The following EYS variants were observed in gnomAD, a reference collection of about 807,000 sequenced individuals.
EYS encodes EGF-like photoreceptor maintenance factor.
EYS carries 250 observed loss-of-function variants against 282.1 expected under a neutral mutation model. The ratio of observed to expected loss-of-function variants is 0.89; its 90% CI spans 0.80 to 0.98. The LOEUF (loss-of-function observed/expected upper bound fraction) is 0.98, where lower values mean the gene tolerates loss of function less well. EYS is among the 50% of genes least tolerant of loss of function. EYS has a pLI of 0.00. For missense variants in EYS, 4,016 were observed against 3,709.0 expected, an observed-to-expected ratio of 1.08 and a Z score of -2.15; for synonymous variants, 1,355 against 1,282.9, an observed-to-expected ratio of 1.06 and a Z score of -1.20.
intron 12 of EYS, among the ~76,000 whole-genome samples, chr6:65,293,928 T>C (rs1450239226): frequency 6.6e-6 from 1 of 151,834 alleles, no homozygotes; most frequent in Non-Finnish European, 1.5e-5. Flanking sequence ...TACGTTGTTT[T>C]TAAAATGTTA....
At chr6:65,581,778 T>C (rs950704611) in intron 2 of EYS, among the ~76,000 whole-genome samples, 14 of 151,960 alleles carry the variant, frequency 9.2e-5, no homozygotes, top group African/African-American at 3.4e-4. Context: ...CAAATAAATA[T>C]CTGTAAAAAT....
chr6:65,614,717 A>T (rs1030261170), intron 2 of EYS, among the ~76,000 whole-genome samples: 1 of 151,060 alleles, frequency 6.6e-6, no homozygotes, highest in African/African-American at 2.5e-5. Flanking sequence ...AATAAATGAC[A>T]GTATTTGTTT....
At chr6:65,329,408 A>G in intron 11 of EYS, 1 of 914,198 alleles carries the variant, frequency 1.1e-6, no homozygotes, top group South Asian at 5.0e-5. Flanking sequence ...GGATTTAAGA[A>G]CCAAGATTAT....
Position 64,032,393 on chromosome 6 carries a change from T to C in EYS, c.6726-33210A>G, listed in dbSNP as rs1769895730. On this transcript the variant is annotated intron_variant, in intron 33 of 42. Transcript: ENST00000503581. Reference sequence around the variant, plus strand: ...ACAAATGATTTTGAGCACTTCTTTGTGTGCTTATTGGCCATTAAAGGGAAA... The same window carrying C: ...ACAAATGATTTTGAGCACTTCTTTGCGTGCTTATTGGCCATTAAAGGGAAA... Among the ~76,000 whole-genome samples, 11 of 152,228 alleles carry C rather than the reference T, an allele frequency of 7.2e-5. 1 individual carries two copies. In the South Asian group the frequency reaches 2.3e-3, roughly 32 times the overall value.
chr6:65,070,736 G>A (rs1773880050), intron 12 of EYS, among the ~76,000 whole-genome samples: 1 of 151,508 alleles, frequency 6.6e-6, no homozygotes, highest in Non-Finnish European at 1.5e-5. Context: ...AATACTTCCT[G>A]TTATGTATTT....
At chr6:65,699,469 A>G (rs1769576149) in intron 1 of EYS, among the ~76,000 whole-genome samples, 1 of 152,186 alleles carries the variant, frequency 6.6e-6, no homozygotes, top group African/African-American at 2.4e-5. Context: ...GCTTTGAACA[A>G]GTTCACAATG....
intron 26 of EYS, among the ~76,000 whole-genome samples, chr6:64,530,739 C>T (rs778624113): frequency 1.3e-5 from 2 of 152,032 alleles, no homozygotes; most frequent in East Asian, 1.9e-4. Context: ...TGAAAAACAT[C>T]TCCTGGCTAG....
chr6:63,748,222 A>G (rs1215469984), intron 41 of EYS, among the ~76,000 whole-genome samples: 1 of 152,110 alleles, frequency 6.6e-6, no homozygotes, highest in Admixed American at 6.6e-5. Flanking sequence ...ATACTACAAG[A>G]CTACAGTAAC....
intron 11 of EYS, among the ~76,000 whole-genome samples, chr6:65,299,094 TAA>T (rs1768744208): frequency 6.6e-6 from 1 of 152,100 alleles, no homozygotes; most frequent in Non-Finnish European, 1.5e-5. Flanking sequence ...GCCCTCTCTA[TAA>T]AGGTTGATGT....
rs942345983 is a variant in EYS at position 65,492,844 on chromosome 6, ATT to A, written c.748+1817_748+1818del. ...CTAAGCTATCAAGTTCAAAATGACTATTTGAAAGATTGGATGAGGTGAATTTT... is the reference window on the plus strand; with the variant it reads ...CTAAGCTATCAAGTTCAAAATGACTATGAAAGATTGGATGAGGTGAATTTT... On this transcript the variant is annotated intron_variant, in intron 4 of 42. Transcript: ENST00000503581. Among the ~76,000 whole-genome samples, 44 of 152,204 alleles carry A rather than the reference ATT, an allele frequency of 2.9e-4. 1 individual carries two copies. Among genetic ancestry groups the A allele is most frequent in the African/African-American group, 9.6e-4 (40 of 41,466 alleles).
intron 26 of EYS, among the ~76,000 whole-genome samples, chr6:64,581,529 T>A (rs939641984): frequency 6.6e-6 from 1 of 152,194 alleles, no homozygotes; most frequent in Non-Finnish European, 1.5e-5. Context: ...TTTCAAATAT[T>A]GGCATAAATA....
intron 28 of EYS, among the ~76,000 whole-genome samples, chr6:64,403,600 G>A (rs537092787): frequency 6.6e-6 from 1 of 152,174 alleles, no homozygotes; most frequent in Non-Finnish European, 1.5e-5. Flanking sequence ...CTTGTGATCT[G>A]CCTGCCTCAG....
chr6:64,547,948 C>T (rs1255072891), intron 26 of EYS, among the ~76,000 whole-genome samples: 1 of 152,236 alleles, frequency 6.6e-6, no homozygotes, highest in East Asian at 1.9e-4. Context: ...CTGCCCAGTG[C>T]CAGCAGGGCT....
intron 14 of EYS, among the ~76,000 whole-genome samples, chr6:64,962,519 C>T (rs1769955346): frequency 6.7e-6 from 1 of 150,110 alleles, no homozygotes; most frequent in South Asian, 2.1e-4. Flanking sequence ...TCACTTGATC[C>T]AGCAGTCCGA....
intron 22 of EYS, among the ~76,000 whole-genome samples, chr6:64,741,853 A>C (rs913655401): frequency 3.3e-5 from 5 of 152,216 alleles, no homozygotes; most frequent in Non-Finnish European, 7.3e-5. Context: ...TTGGCTAAAG[A>C]GAATGTCATA....
chr6:65,437,515 T>A (rs912865885), intron 5 of EYS, among the ~76,000 whole-genome samples: 1 of 152,176 alleles, frequency 6.6e-6, no homozygotes, highest in African/African-American at 2.4e-5. Context: ...ATAAAGATAC[T>A]AATTTAGATT....
At chr6:64,114,773 G>C (rs915723162) in intron 31 of EYS, among the ~76,000 whole-genome samples, 2 of 152,186 alleles carry the variant, frequency 1.3e-5, no homozygotes, top group Non-Finnish European at 2.9e-5. Flanking sequence ...ATGGACCCCA[G>C]TGCCTGTTCC....
chr6:65,533,419 G>C (rs1767854092), intron 2 of EYS, among the ~76,000 whole-genome samples: 1 of 152,056 alleles, frequency 6.6e-6, no homozygotes, highest in Non-Finnish European at 1.5e-5. Context: ...AGAGGAGCTG[G>C]TACCATTCCT....
At chr6:65,130,114 C>T (rs1468296751) in intron 12 of EYS, among the ~76,000 whole-genome samples, 1 of 151,638 alleles carries the variant, frequency 6.6e-6, no homozygotes, top group Non-Finnish European at 1.5e-5. Flanking sequence ...ATTAAGTATA[C>T]ATAGAGATAA....
Sources: allele counts gnomAD v4.1 joint callset (sites outside exome capture counted in the v4.1 genomes callset), GRCh38; gene constraint gnomAD v4.1.1; transcripts MANE v1.5; gene names NCBI Gene and HGNC (gene_info 2026-07-23, HGNC 2026-07-21).